The following PDLIM4 variants were observed in gnomAD, a reference collection of about 807,000 sequenced individuals.
PDLIM4 encodes PDZ and LIM domain protein 4.
In PDLIM4, 19 loss-of-function variants were observed where a neutral mutation model predicts 31.3. The ratio of observed to expected loss-of-function variants is 0.61; its 90% confidence interval spans 0.42 to 0.89. PDLIM4 has a LOEUF of 0.89. PDLIM4 is among the 40% of genes least tolerant of loss of function. PDLIM4 has a pLI of 0.00. For missense variants in PDLIM4, 442 were observed against 461.1 expected (o/e 0.96, Z 0.38); for synonymous variants, 176 against 190.1 (o/e 0.93, Z 0.61).
chr5:132,260,726 T>C (rs10076701), intron 1 of PDLIM4, among the ~76,000 whole-genome samples: 68,918 of 152,090 alleles, frequency 0.45, 16,574 homozygotes, highest in Non-Finnish European at 0.54. Context: ...CCTTCTGTAC[T>C]TCTCTGGACC....
chr5:132,261,006 G>A (rs1383187293), intron 1 of PDLIM4, among the ~76,000 whole-genome samples: 1 of 152,232 alleles, frequency 6.6e-6, no homozygotes, highest in Non-Finnish European at 1.5e-5. Flanking sequence ...TGTGGGGACT[G>A]GGGCATGGCA....
At chr5:132,259,137 CTGTGTGTG>C (rs70974028) in intron 1 of PDLIM4, among the ~76,000 whole-genome samples, 9 of 146,204 alleles carry the variant, frequency 6.2e-5, no homozygotes, top group East Asian at 2.0e-4. Flanking sequence ...AGGATTCCTG[CTGTGTGTG>C]TGTGTGTGTG....
At position 132,257,851 on chromosome 5, in the gene PDLIM4, G is replaced by A. The variant is rs1433449381; in HGVS notation, c.93+24G>A. ...GGGTGAGTCTGGCGGCTGCGTGGCG[G>A]CAGGGCGGTCCCATGTCTGAGACCG... On this transcript the variant is annotated intron_variant, in intron 1 of 6. Coordinates refer to ENST00000253754, the MANE Select transcript of PDLIM4 (RefSeq NM_003687.4). This position sits in a 1 kb window ranked among gnomAD's most constrained non-coding sequence, Gnocchi z 4.3. 1.5e-6 allele frequency: 2 copies of A among 1,362,324 alleles called. No homozygotes were observed. The highest frequency in any genetic ancestry group is 3.0e-5 in the East Asian group (1 of 33,108). The allele number at this position is 1,362,324 out of a possible 1,614,324, so 84.4% of individuals were successfully genotyped here. A position where few individuals can be genotyped will look rare whatever the true frequency, so the allele number is the denominator to read the frequency against.
chr5:132,267,744 G>A lies in PDLIM4; in HGVS notation c.327+1199G>A, dbSNP rs536453254. Among the ~76,000 whole-genome samples the A allele has an allele frequency of 2.0e-5, 3 of 152,312 alleles. No homozygotes were observed. In the East Asian group the frequency reaches 5.8e-4, roughly 29 times the overall value. On this transcript the variant is annotated intron_variant, in intron 3 of 6. Transcript: ENST00000253754. ...AGATGGAAGGAGTGAGAGGACAGAG[G>A]TGAGAGATGAGGTGGTGGAGCAGGG... is the stretch of plus-strand genomic sequence containing the variant.
chr5:132,258,131 AG>A (rs1756286670), intron 1 of PDLIM4, among the ~76,000 whole-genome samples: 1 of 152,314 alleles, frequency 6.6e-6, no homozygotes, highest in Admixed American at 6.5e-5. Flanking sequence ...GAGATGGGCC[AG>A]GGGTCTAGAC....
In PDLIM4 at chr5:132,272,168, A is replaced by G. The variant is rs1756640438; in HGVS notation, c.932A>G (p.Lys311Arg). Residue 311 changes from lysine (K) to arginine (R), a missense_variant, in exon 7 of 7, where the codon AAG becomes AGG. Physicochemically the swap from Lys to Arg is conservative, Grantham distance 26. Transcript: ENST00000253754. ...YCESHAKARVKPPEGYDVVAV... is the reference protein window; with the variant it reads ...YCESHAKARVRPPEGYDVVAV... Reference sequence around the variant, plus strand: ...GAGAGCCACGCCAAGGCGCGCGTGAAGCCGCCCGAGGGCTACGACGTGGTG... The same window carrying G: ...GAGAGCCACGCCAAGGCGCGCGTGAGGCCGCCCGAGGGCTACGACGTGGTG... 9.3e-6 allele frequency: 15 copies of G among 1,614,108 alleles called. No homozygotes were observed. Among genetic ancestry groups the G allele is most frequent in the Non-Finnish European group, 1.3e-5 (15 of 1,180,048 alleles).
At chr5:132,271,274 TTCC>T in intron 4 of PDLIM4, 26 bp from the exon 5 acceptor site, 2 of 1,575,674 alleles carry the variant, frequency 1.3e-6, no homozygotes, top group Non-Finnish European at 1.7e-6. Context: ...ACTGCATCCC[TTCC>T]TCCTCTATTT....
At chr5:132,262,480 G>A in intron 1 of PDLIM4, 129 bp from the exon 2 acceptor site, 1 of 803,188 alleles carries the variant, frequency 1.2e-6, no homozygotes, top group African/African-American at 1.8e-5. Context: ...CACTCGGCTT[G>A]CCCATCCACA....
Position 132,271,085 on chromosome 5 carries a change from AC to A in PDLIM4, c.504del (p.Ser169AlafsTer50). On this transcript the variant is annotated frameshift_variant, in exon 4 of 7. Transcript: ENST00000253754. LOFTEE classifies it high-confidence loss of function. ...AQMSTLHVSP[P>X]PSADPARGLP... is the part of the protein sequence containing the mutation. ...AGATGAGCACCCTGCATGTGTCTCC[AC>A]CCCCCAGGTAGCACAGAGATGCCTT... The A allele has an allele frequency of 6.2e-7, 1 of 1,613,328 alleles. No homozygotes were observed. The highest frequency in any genetic ancestry group is 8.5e-7 in the Non-Finnish European group (1 of 1,179,624).
chr5:132,262,325 G>T (rs192599745), intron 1 of PDLIM4, among the ~76,000 whole-genome samples: 3 of 152,166 alleles, frequency 2.0e-5, no homozygotes, highest in African/African-American at 2.4e-5. Flanking sequence ...GGGCACATAC[G>T]CAGGCTGCAA....
In PDLIM4 at chr5:132,271,895, G is replaced by A. The variant is rs4877; in HGVS notation, c.775G>A (p.Gly259Ser). 8.1e-6 allele frequency: 13 copies of A among 1,606,738 alleles called. No homozygotes were observed. The Admixed American group carries it at 1.3e-4, about 17-fold the overall frequency. The change falls in exon 6 of 7, where the codon GGC (glycine) becomes AGC (serine). Residue 259 changes from glycine to serine, a missense_variant. Physicochemically the swap from Gly to Ser is moderately conservative, Grantham distance 56. Transcript: ENST00000253754. ...GGGGCTGCCCGAGTGCACGCGCTGC[G>A]GCCACGGCATCGTGTGAGTAACCGC... ...LQGLPECTRC[G>S]HGIVGTIVKA... is the part of the protein sequence containing the mutation.
intron 1 of PDLIM4, among the ~76,000 whole-genome samples, 175 bp downstream of exon 1, chr5:132,258,002 C>A (rs1756282906): frequency 1.3e-5 from 2 of 152,178 alleles, no homozygotes; most frequent in African/African-American, 4.8e-5. Context: ...CCCCAGCCGC[C>A]CTCCTCCCAC....
intron 1 of PDLIM4, among the ~76,000 whole-genome samples, chr5:132,260,977 A>G (rs1756360542): frequency 6.6e-6 from 1 of 152,160 alleles, no homozygotes; most frequent in Admixed American, 6.5e-5. Flanking sequence ...CCGCCCCCTG[A>G]AGAAAGACTC....
intron 3 of PDLIM4, among the ~76,000 whole-genome samples, chr5:132,266,922 A>G (rs1756504107): frequency 6.6e-6 from 1 of 152,202 alleles, no homozygotes; most frequent in South Asian, 2.1e-4. Context: ...TGGCAGTCTC[A>G]GGCTGTGGAG....
intron 3 of PDLIM4, among the ~76,000 whole-genome samples, chr5:132,269,146 A>T (rs1756552131): frequency 6.6e-6 from 1 of 152,056 alleles, no homozygotes; most frequent in Non-Finnish European, 1.5e-5. Flanking sequence ...ACTAAAACTG[A>T]GGTAGCCATG....
At chr5:132,262,243 A>G (rs1340508535) in intron 1 of PDLIM4, among the ~76,000 whole-genome samples, 3 of 152,056 alleles carry the variant, frequency 2.0e-5, no homozygotes, top group Admixed American at 1.3e-4. Flanking sequence ...GGTATCTGTG[A>G]TATGTCCATG....
At chr5:132,259,261 G>A (rs1038193203) in intron 1 of PDLIM4, among the ~76,000 whole-genome samples, 21 of 152,202 alleles carry the variant, frequency 1.4e-4, no homozygotes, top group African/African-American at 2.2e-4. Context: ...CACCCTGGGC[G>A]TGAGGCCGCT....
chr5:132,270,983 C>G lies in PDLIM4; in HGVS notation c.396C>G (p.Ser132Arg). 6.2e-7 allele frequency: 1 copy of G among 1,614,088 alleles called. No individual in the cohort carries two copies. Among genetic ancestry groups the G allele is most frequent in the Non-Finnish European group, 8.5e-7 (1 of 1,179,952 alleles). The change falls in exon 4 of 7, where the codon AGC (serine) becomes AGG (arginine). Residue 132 changes from serine (S) to arginine (R), a missense_variant. Ser to Arg is a moderately radical substitution (Grantham distance 110, BLOSUM62 -1). Coordinates refer to ENST00000253754, the MANE Select transcript of PDLIM4 (RefSeq NM_003687.4). The part of the protein sequence containing the change: ...TGTGPEDGRP[S>R]LGSPYGQPPR... Reference sequence around the variant, plus strand: ...CTGGGCCAGAAGATGGCAGACCAAGCCTGGGATCTCCATATGGACAACCCC... The same window carrying G: ...CTGGGCCAGAAGATGGCAGACCAAGGCTGGGATCTCCATATGGACAACCCC...
chr5:132,273,103 T>TA lies in PDLIM4; in HGVS notation c.*874_*875insA, dbSNP rs1756668582. 1 of 152,328 alleles carries TA rather than the reference T, an allele frequency of 6.6e-6. No homozygotes were observed. 9.4% of individuals were successfully genotyped at this position (152,328 alleles called of 1,614,324 possible). ...GTCCCGGCGTTTACCTCGTGGTGTGTTTGCCTTGGGCCTTTCATGCCCCGG... is the reference window on the plus strand; with the variant it reads ...GTCCCGGCGTTTACCTCGTGGTGTGTATTGCCTTGGGCCTTTCATGCCCCGG... On this transcript the variant is annotated 3_prime_UTR_variant, in exon 7 of 7. Transcript: ENST00000253754.
Sources: gnomAD v4.1 joint callset for allele counts (sites outside exome capture counted in the v4.1 genomes callset) on GRCh38, gnomAD v4.1.1 for gene constraint, Gnocchi (gnomAD v3.1) non-coding constraint, MANE v1.5 for transcripts, NCBI Gene and HGNC (gene_info 2026-07-23, HGNC 2026-07-21) for gene names.